KLHDC8A: variants seen among roughly 807,000 people sequenced by gnomAD.
KLHDC8A encodes kelch domain-containing protein 8A.
Under a neutral mutation model 33.1 loss-of-function variants are expected in KLHDC8A, and 21 were observed. The observed-to-expected ratio is 0.64, with a 90% CI of 0.45 to 0.91. The LOEUF is 0.91. Ranked by LOEUF, KLHDC8A falls within the 40% of genes least tolerant of loss-of-function variation. The probability of loss-of-function intolerance (pLI) is 0.00; values close to 1 mark genes in which losing one functional copy is unlikely to be tolerated. For missense variants in KLHDC8A, 435 were observed against 483.3 expected (o/e 0.90, Z 0.94); for synonymous variants, 173 against 193.5 (o/e 0.89, Z 0.88).
intron 2 of KLHDC8A, among the ~76,000 whole-genome samples, chr1:205,340,629 T>C (rs906318289): frequency 2.0e-4 from 31 of 152,224 alleles, no homozygotes; most frequent in African/African-American, 7.2e-4. Context: ...GGATTACAGA[T>C]GCCTGCCACC....
chr1:205,347,293 C>T (rs1057405385), intron 1 of KLHDC8A, among the ~76,000 whole-genome samples: 2 of 152,152 alleles, frequency 1.3e-5, no homozygotes, highest in Non-Finnish European at 2.9e-5. Flanking sequence ...ACTCCTTGGT[C>T]CCTCCCTACC....
At position 205,343,978 on chromosome 1, in the gene KLHDC8A, A is replaced by G. The variant is rs566676752; in HGVS notation, c.-189-185T>C. On this transcript the variant is annotated intron_variant, in intron 1 of 5. Coordinates refer to ENST00000367155, the MANE Select transcript of KLHDC8A (RefSeq NM_018203.3). The stretch of plus-strand genomic sequence containing the variant: ...CCCCCTCCCCACCCGCTGCTCGGAC[A>G]CTGCCGAAGCAAGCCGCAGGCCGGG... Among the ~76,000 whole-genome samples the G allele has an allele frequency of 3.9e-3, 599 of 152,026 alleles. 1 individual carries two copies. Among genetic ancestry groups the G allele is most frequent in the African/African-American group, 0.014 (564 of 41,484 alleles).
chr1:205,337,474 G>A lies in KLHDC8A; in HGVS notation c.978C>T (p.Asn326=), dbSNP rs765498399. Residue 326 remains asparagine, a synonymous_variant, in exon 6 of 6, where the codon AAC becomes AAT. Coordinates refer to ENST00000367155, the MANE Select transcript of KLHDC8A (RefSeq NM_018203.3). ...RCACSSIVVK[N]CLLAVGGVNQ... Reference sequence around the variant, plus strand: ...TGACACCTCCCACGGCGAGGAGGCAGTTCTTGACGACTATGCTGGAGCAGG... The same window carrying A: ...TGACACCTCCCACGGCGAGGAGGCAATTCTTGACGACTATGCTGGAGCAGG... 3 of 1,614,106 alleles carry A rather than the reference G, an allele frequency of 1.9e-6. No individual in the cohort carries two copies. The highest frequency in any genetic ancestry group is 2.5e-6 in the Non-Finnish European group (3 of 1,179,996).
intron 1 of KLHDC8A, among the ~76,000 whole-genome samples, chr1:205,354,001 C>T (rs1029629024): frequency 6.6e-6 from 1 of 152,206 alleles, no homozygotes; most frequent in African/African-American, 2.4e-5. Flanking sequence ...CTTCAGGCCA[C>T]CATGATTCTA....
In KLHDC8A at chr1:205,356,568, A is replaced by G. The variant is rs538264114; in HGVS notation, c.-225T>C. On this transcript the variant is annotated 5_prime_UTR_variant, in exon 1 of 6. It removes an upstream start codon present in the reference 5' UTR. Transcript: ENST00000367155. ...GGAAAAGGATCGACACCCGGCGATC[A>G]TCTGCAAAAGACAAAGAAGGGGAGG... 6 of 456,348 alleles carry G rather than the reference A, an allele frequency of 1.3e-5. No individual in the cohort carries two copies. Among genetic ancestry groups the G allele is most frequent in the African/African-American group, 6.0e-5 (3 of 50,202 alleles). The allele number at this position is 456,348 out of a possible 1,614,324, so 28.3% of individuals were successfully genotyped here.
chr1:205,339,981 T>C lies in KLHDC8A; in HGVS notation c.377-173A>G, dbSNP rs1173244678. 2.3e-6 allele frequency: 1 copy of C among 436,250 alleles called. No homozygotes were observed. The highest frequency in any genetic ancestry group is 4.0e-6 in the Non-Finnish European group (1 of 247,996). 27.0% of individuals were successfully genotyped at this position (436,250 alleles called of 1,614,324 possible). The stretch of plus-strand genomic sequence containing the variant: ...GCACCATTCAAAGAAGTTCCTGCTA[T>C]AGCTAAGCCTGAGAGTCTGTTTCTT... On this transcript the variant is annotated intron_variant, in intron 2 of 5. Transcript: ENST00000367155. This position sits in a 1 kb window ranked among gnomAD's most constrained non-coding sequence, Gnocchi z 5.1.
intron 2 of KLHDC8A, 129 bp downstream of exon 2, chr1:205,343,100 G>C: frequency 1.5e-6 from 2 of 1,327,028 alleles, no homozygotes; most frequent in East Asian, 2.4e-5. Flanking sequence ...TTTGCTGAAC[G>C]CATGGGGTCT....
chr1:205,340,781 A>G (rs1662769350), intron 2 of KLHDC8A, among the ~76,000 whole-genome samples: 1 of 152,184 alleles, frequency 6.6e-6, no homozygotes, highest in South Asian at 2.1e-4. Flanking sequence ...GGCTTCAATG[A>G]GTAGAGATAT....
At chr1:205,338,004 A>T (rs765317832) in intron 5 of KLHDC8A, among the ~76,000 whole-genome samples, 1 of 152,190 alleles carries the variant, frequency 6.6e-6, no homozygotes, top group Non-Finnish European at 1.5e-5. Context: ...TTCCTTGATG[A>T]TGGGGAACTT....
At position 205,337,348 on chromosome 1, in the gene KLHDC8A, T is replaced by G; in HGVS notation, c.*51A>C. 2 of 1,422,810 alleles carry G rather than the reference T, an allele frequency of 1.4e-6. No individual in the cohort carries two copies. Among genetic ancestry groups the G allele is most frequent in the Non-Finnish European group, 2.0e-6 (2 of 1,008,818 alleles). 88.1% of individuals were successfully genotyped at this position (1,422,810 alleles called of 1,614,324 possible). On this transcript the variant is annotated 3_prime_UTR_variant, in exon 6 of 6. Coordinates refer to ENST00000367155, the MANE Select transcript of KLHDC8A (RefSeq NM_018203.3). ...TGCTTGGACAAGATCATTCCTCATG[T>G]TAAGAGTGAAGTGATATGGTCCAGG...
At chr1:205,354,897 G>A (rs7528225) in intron 1 of KLHDC8A, among the ~76,000 whole-genome samples, 122,258 of 152,260 alleles carry the variant, frequency 0.8, 49,190 homozygotes, top group African/African-American at 0.86. Context: ...TGATTCCTTT[G>A]GATATTTCCC....
chr1:205,351,318 C>T, intron 1 of KLHDC8A: 3 of 911,540 alleles, frequency 3.3e-6, no homozygotes, highest in Non-Finnish European at 5.6e-6. Flanking sequence ...TAAATGGTGG[C>T]AGACATGTCC....
At chr1:205,350,234 G>T (rs1430839931) in intron 1 of KLHDC8A, among the ~76,000 whole-genome samples, 1 of 152,102 alleles carries the variant, frequency 6.6e-6, no homozygotes, top group Non-Finnish European at 1.5e-5. Context: ...TCTCCAATCA[G>T]CCCAGGACAA....
chr1:205,350,812 T>TGTGTGTGTGTGCATGC (rs779896066), intron 1 of KLHDC8A, among the ~76,000 whole-genome samples: 60 of 32,838 alleles, frequency 1.8e-3, no homozygotes, highest in Middle Eastern at 0.012. Context: ...TGTGTGTGCA[T>TGTGTGTGTGTGCATGC]GTGTGTGTGT....
Position 205,343,779 on chromosome 1 carries a change from C to T in KLHDC8A, c.-175G>A. The T allele has an allele frequency of 1.4e-6, 1 of 693,548 alleles. No individual in the cohort carries two copies. Among genetic ancestry groups the T allele is most frequent in the African/African-American group, 1.9e-5 (1 of 52,802 alleles). The allele number at this position is 693,548 out of a possible 1,614,324, so 43.0% of individuals were successfully genotyped here. On this transcript the variant is annotated 5_prime_UTR_variant, in exon 2 of 6. Coordinates refer to ENST00000367155, the MANE Select transcript of KLHDC8A (RefSeq NM_018203.3). The stretch of plus-strand genomic sequence containing the variant: ...GCCCCGAGTCTCAGCGGTCCGGCGG[C>T]GTCCACGCCTGGCCCTGCGGGGGGA...
Position 205,356,644 on chromosome 1 carries a change from T to C in KLHDC8A, c.-301A>G. 2.2e-6 allele frequency: 1 copy of C among 454,496 alleles called. No homozygotes were observed. Among genetic ancestry groups the C allele is most frequent in the Non-Finnish European group, 4.4e-6 (1 of 226,164 alleles). The allele number at this position is 454,496 out of a possible 1,614,324, so 28.2% of individuals were successfully genotyped here. A position where few individuals can be genotyped will look rare whatever the true frequency, so the allele number is the denominator to read the frequency against. On this transcript the variant is annotated 5_prime_UTR_variant, in exon 1 of 6. Transcript: ENST00000367155. ...TGGCTCTGAGGCTTGTCCTAGGAGC[T>C]GGCTGGGAATAGAGTCGGCAAGGTC...
At chr1:205,351,389 T>C in intron 1 of KLHDC8A, 3 of 854,282 alleles carry the variant, frequency 3.5e-6, no homozygotes, top group Admixed American at 3.4e-5. Context: ...TGTGTGGAAA[T>C]GGCGACTAGT....
At chr1:205,353,950 G>A (rs1022562931) in intron 1 of KLHDC8A, among the ~76,000 whole-genome samples, 1 of 152,172 alleles carries the variant, frequency 6.6e-6, no homozygotes, top group Non-Finnish European at 1.5e-5. Context: ...CAGGATGCTG[G>A]ATTCAAACTC....
In KLHDC8A at chr1:205,338,489, C is replaced by A; in HGVS notation, c.859+6G>T. 1 of 1,609,156 alleles carries A rather than the reference C, an allele frequency of 6.2e-7. No individual in the cohort carries two copies. The highest frequency in any genetic ancestry group is 8.5e-7 in the Non-Finnish European group (1 of 1,175,530). On this transcript the variant is annotated splice_donor_region_variant and intron_variant, in intron 5 of 5. Coordinates refer to ENST00000367155, the MANE Select transcript of KLHDC8A (RefSeq NM_018203.3). ...ATAAATTCCAGCGTGAAAGCGCCATCCTTACCAAGTCCCCCAGCCACTATG... is the reference window on the plus strand; with the variant it reads ...ATAAATTCCAGCGTGAAAGCGCCATACTTACCAAGTCCCCCAGCCACTATG...
Sources: gnomAD v4.1 joint callset for allele counts (sites outside exome capture counted in the v4.1 genomes callset) on GRCh38, gnomAD v4.1.1 for gene constraint, Gnocchi (gnomAD v3.1) non-coding constraint, MANE v1.5 for transcripts, NCBI Gene and HGNC (gene_info 2026-07-23, HGNC 2026-07-21) for gene names.